Variants in PCDHA11 observed in about 807,000 individuals in gnomAD.
The protein encoded by PCDHA11 is protocadherin alpha-11.
In PCDHA11, 61 loss-of-function variants were observed where a neutral mutation model predicts 70.3. The observed-to-expected ratio is 0.87, with a 90% CI of 0.71 to 1.07. PCDHA11 has a LOEUF of 1.07. Ranked by LOEUF, PCDHA11 falls within the 50% of genes least tolerant of loss-of-function variation. The pLI is 0.00. For missense variants in PCDHA11, 1,324 were observed against 1,237.5 expected, an observed-to-expected ratio of 1.07 and a Z score of -1.05; for synonymous variants, 633 against 555.1, an observed-to-expected ratio of 1.14 and a Z score of -1.97.
intron 1 of PCDHA11, among the ~76,000 whole-genome samples, chr5:140,940,236 A>G (rs1487572447): frequency 1.3e-5 from 2 of 152,200 alleles, no homozygotes; most frequent in East Asian, 3.8e-4. Flanking sequence ...TTGGTACATT[A>G]AAGTTACCTC....
chr5:140,877,021 G>A, intron 1 of PCDHA11: 1 of 1,612,514 alleles, frequency 6.2e-7, no homozygotes, highest in Non-Finnish European at 8.5e-7. Context: ...GAGCGGCAAG[G>A]TGTACGCGCT....
At chr5:140,935,178 G>C (rs2090229039) in intron 1 of PCDHA11, among the ~76,000 whole-genome samples, 2 of 152,146 alleles carry the variant, frequency 1.3e-5, no homozygotes, top group African/African-American at 4.8e-5. Context: ...GCTTATTGCT[G>C]CTGGGTCAGT....
chr5:140,927,357 C>A, intron 1 of PCDHA11: 1 of 1,614,052 alleles, frequency 6.2e-7, no homozygotes, highest in South Asian at 1.1e-5. Context: ...ACGAGGGAAG[C>A]AATGGGATAC....
At chr5:140,871,658 C>G in intron 1 of PCDHA11, 164 bp downstream of exon 1, 2 of 1,224,216 alleles carry the variant, frequency 1.6e-6, no homozygotes, top group Non-Finnish European at 2.2e-6. Context: ...TGATACACAT[C>G]TTCAGTCTTT....
At chr5:140,922,139 C>A (rs2080663133) in intron 1 of PCDHA11, among the ~76,000 whole-genome samples, 1 of 151,854 alleles carries the variant, frequency 6.6e-6, no homozygotes, top group Non-Finnish European at 1.5e-5. Flanking sequence ...TCTTATCCTC[C>A]ATGAAACTCA....
intron 1 of PCDHA11, among the ~76,000 whole-genome samples, chr5:140,973,378 A>C (rs1453357452): frequency 6.6e-6 from 1 of 152,238 alleles, no homozygotes; most frequent in Non-Finnish European, 1.5e-5. Context: ...CAATGGTCAG[A>C]ATAGACAAAG....
chr5:140,954,116 G>A (rs1190456994), intron 1 of PCDHA11, among the ~76,000 whole-genome samples: 2 of 152,118 alleles, frequency 1.3e-5, no homozygotes, highest in East Asian at 3.9e-4. Context: ...ACAAGATCTT[G>A]TTCCTTTTTA....
chr5:140,965,323 G>A (rs2095891055), intron 1 of PCDHA11, among the ~76,000 whole-genome samples: 1 of 152,176 alleles, frequency 6.6e-6, no homozygotes, highest in South Asian at 2.1e-4. Flanking sequence ...TTTTACTGAA[G>A]TGAATTTGTT....
rs782637341 is a variant in PCDHA11, at chr5:141,010,225, C to A, written c.*288C>A. Reference sequence around the variant, plus strand: ...CCGCCGCAAAGGAGAGGCTTCCCAGCCCCGCCAGTGAGAGGTTGGACTCTC... The same window carrying A: ...CCGCCGCAAAGGAGAGGCTTCCCAGACCCGCCAGTGAGAGGTTGGACTCTC... On this transcript the variant is annotated 3_prime_UTR_variant, in exon 4 of 4. Transcript: ENST00000398640. 11 of 1,551,730 alleles carry A rather than the reference C, an allele frequency of 7.1e-6. No homozygotes were observed. The highest frequency in any genetic ancestry group is 8.7e-6 in the Non-Finnish European group (10 of 1,147,034).
intron 1 of PCDHA11, among the ~76,000 whole-genome samples, chr5:140,960,137 T>C (rs2095528767): frequency 6.6e-6 from 1 of 152,232 alleles, no homozygotes; most frequent in African/African-American, 2.4e-5. Flanking sequence ...AATACTTAGA[T>C]ATTAATAGCT....
At chr5:140,941,247 C>CT (rs1398354432) in intron 1 of PCDHA11, among the ~76,000 whole-genome samples, 1 of 128,506 alleles carries the variant, frequency 7.8e-6, no homozygotes, top group African/African-American at 2.9e-5. Context: ...TTCTTTCTTT[C>CT]TTTCTTTCTC....
rs373922357 is a variant in PCDHA11, at chr5:140,927,079, G to A, written c.2392-51870G>A. ...CTTTCGCTTCCTTTCCAGCCACCGC[G>A]AGCTCTACTTCGGGGTGGATCTACC... On this transcript the variant is annotated intron_variant, in intron 1 of 3. Transcript: ENST00000398640. 2.5e-6 allele frequency: 4 copies of A among 1,610,988 alleles called. No homozygotes were observed. The highest frequency in any genetic ancestry group is 2.5e-6 in the Non-Finnish European group (3 of 1,177,702).
Position 140,881,379 on chromosome 5 carries a change from C to T in PCDHA11, c.2391+9885C>T, listed in dbSNP as rs1235654163. ...TGGCTTTCGTATGAATTGCAGCCGG[C>T]GGCGGTAAGTTAAATTCTATTAAAT... On this transcript the variant is annotated intron_variant, in intron 1 of 3. Transcript: ENST00000398640. The T allele has an allele frequency of 7.1e-6, 7 of 984,332 alleles. No individual in the cohort carries two copies. In the African/African-American group the frequency reaches 1.0e-4, roughly 15 times the overall value. 61.0% of individuals were successfully genotyped at this position (984,332 alleles called of 1,614,324 possible).
At chr5:140,995,924 G>T (rs998405229) in intron 3 of PCDHA11, among the ~76,000 whole-genome samples, 2 of 152,308 alleles carry the variant, frequency 1.3e-5, no homozygotes, top group African/African-American at 4.8e-5. Flanking sequence ...ATAGGCTGTT[G>T]TAAGTATTAA....
chr5:140,927,093 G>T (rs781998184), intron 1 of PCDHA11: 1 of 1,612,818 alleles, frequency 6.2e-7, no homozygotes, highest in Non-Finnish European at 8.5e-7. Flanking sequence ...TCTACTTCGG[G>T]GTGGATCTAC....
intron 1 of PCDHA11, among the ~76,000 whole-genome samples, chr5:140,919,172 A>G (rs144962710): frequency 6.6e-6 from 1 of 152,282 alleles, no homozygotes; most frequent in African/African-American, 2.4e-5. Flanking sequence ...TTTAGTTGCT[A>G]TATCTTCCTG....
At chr5:140,902,895 T>C (rs1554190698) in intron 1 of PCDHA11, among the ~76,000 whole-genome samples, 1 of 152,222 alleles carries the variant, frequency 6.6e-6, no homozygotes, top group Non-Finnish European at 1.5e-5. Flanking sequence ...TATTATTTTA[T>C]TTAGTTTATG....
rs78257345 is a variant in PCDHA11 at position 140,892,116 on chromosome 5, T to C, written c.2391+20622T>C. Among the ~76,000 whole-genome samples the C allele has an allele frequency of 8.0e-3, 1,216 of 152,346 alleles. 6 individuals are homozygous for C. The highest frequency in any genetic ancestry group is 0.019 in the African/African-American group (786 of 41,576). On this transcript the variant is annotated intron_variant, in intron 1 of 3. Transcript: ENST00000398640. ...AACTTTCAAGCTTGGCATTTATATCTGGAACACAATAAGCTCATGGTTTTA... is the reference window on the plus strand; with the variant it reads ...AACTTTCAAGCTTGGCATTTATATCCGGAACACAATAAGCTCATGGTTTTA...
chr5:140,933,032 G>A (rs1425582468), intron 1 of PCDHA11, among the ~76,000 whole-genome samples: 1 of 152,016 alleles, frequency 6.6e-6, no homozygotes, highest in Non-Finnish European at 1.5e-5. Flanking sequence ...AGAACTTCAA[G>A]TGAATATGGA....
Sources: allele counts gnomAD v4.1 joint callset (sites outside exome capture counted in the v4.1 genomes callset), GRCh38; gene constraint gnomAD v4.1.1; transcripts MANE v1.5; gene names NCBI Gene and HGNC (gene_info 2026-07-23, HGNC 2026-07-21).